The following DTNB variants were observed in gnomAD, a reference collection of about 807,000 sequenced individuals.
The protein encoded by DTNB is DTN-B.
A neutral mutation model predicts 90.7 loss-of-function variants in DTNB; 63 were observed. The ratio of observed to expected loss-of-function variants is 0.69; its 90% CI spans 0.57 to 0.86. The LOEUF (loss-of-function observed/expected upper bound fraction) is 0.86. DTNB is among the 40% of genes least tolerant of loss of function. The probability of loss-of-function intolerance (pLI) is 0.00; values close to 1 mark genes in which losing one functional copy is unlikely to be tolerated. For missense variants in DTNB, 744 were observed against 807.1 expected (o/e 0.92, Z 0.95); for synonymous variants, 277 against 286.7 (o/e 0.97, Z 0.34).
chr2:25,533,351 T>C (rs1304902423), intron 8 of DTNB, among the ~76,000 whole-genome samples: 2 of 152,164 alleles, frequency 1.3e-5, no homozygotes, highest in Non-Finnish European at 2.9e-5. Flanking sequence ...AAAAACATTC[T>C]GGGAAAAGTC....
chr2:25,630,546 A>G (rs2075428676), intron 3 of DTNB, among the ~76,000 whole-genome samples: 1 of 152,208 alleles, frequency 6.6e-6, no homozygotes, highest in South Asian at 2.1e-4. Context: ...GACCAAAAAA[A>G]GGGATGAAGT....
chr2:25,597,638 C>T (rs954817807), intron 5 of DTNB, among the ~76,000 whole-genome samples: 1 of 152,098 alleles, frequency 6.6e-6, no homozygotes, highest in South Asian at 2.1e-4. Context: ...TGCTAGTTTA[C>T]AGTTGATGGA....
intron 6 of DTNB, among the ~76,000 whole-genome samples, chr2:25,581,047 AGTCAACT>A (rs763071600): frequency 6.6e-6 from 1 of 152,244 alleles, no homozygotes; most frequent in Non-Finnish European, 1.5e-5. Context: ...ATTTTATTTT[AGTCAACT>A]GTATAAGGTA....
intron 8 of DTNB, among the ~76,000 whole-genome samples, chr2:25,536,230 G>A (rs558980949): frequency 1.5e-4 from 23 of 151,602 alleles, no homozygotes; most frequent in South Asian, 1.0e-3. Context: ...CGGGGCGGCC[G>A]GGCAGAGGGG....
At chr2:25,449,206 T>C (rs1195105179) in intron 12 of DTNB, among the ~76,000 whole-genome samples, 1 of 152,226 alleles carries the variant, frequency 6.6e-6, no homozygotes, top group Non-Finnish European at 1.5e-5. Context: ...ACAATTCTAT[T>C]GTATGAATAT....
chr2:25,552,282 T>A (rs2056425617), intron 8 of DTNB, among the ~76,000 whole-genome samples: 1 of 152,252 alleles, frequency 6.6e-6, no homozygotes, highest in African/African-American at 2.4e-5. Context: ...TTGTTTTCAG[T>A]GAGAGTGAAA....
At chr2:25,419,155 A>G in intron 16 of DTNB, 1 of 293,894 alleles carries the variant, frequency 3.4e-6, no homozygotes. Context: ...TCATGACATG[A>G]GGTCACCCCA....
chr2:25,590,760 G>A lies in DTNB; in HGVS notation c.603+5326C>T, dbSNP rs114486823. On this transcript the variant is annotated intron_variant, in intron 6 of 20. Transcript: ENST00000406818. ...GTGGCCATGGGTAGGCTTGGAAAAA[G>A]CACCACAAGTTCCCACTCCAGTCCA... Among the ~76,000 whole-genome samples, 829 of 152,292 alleles carry A rather than the reference G, an allele frequency of 5.4e-3. 12 individuals carry two copies. Among genetic ancestry groups the A allele is most frequent in the African/African-American group, 0.018 (748 of 41,570 alleles).
intron 5 of DTNB, among the ~76,000 whole-genome samples, chr2:25,601,427 G>A (rs972059435): frequency 5.3e-5 from 8 of 152,152 alleles, no homozygotes; most frequent in Admixed American, 4.6e-4. Context: ...ATGTACATGT[G>A]TATGCAATTT....
chr2:25,631,289 C>A (rs2075688834), intron 3 of DTNB, among the ~76,000 whole-genome samples: 1 of 152,044 alleles, frequency 6.6e-6, no homozygotes, highest in African/African-American at 2.4e-5. Context: ...AGTTTTAATT[C>A]ATAAGAAAGA....
At chr2:25,386,051 C>T (rs942105788) in intron 18 of DTNB, 33 of 985,418 alleles carry the variant, frequency 3.3e-5, no homozygotes, top group African/African-American at 2.8e-4. Context: ...TGAAGGCTGT[C>T]GCCTCTTCTG....
rs563697408 is a variant in DTNB at position 25,509,670 on chromosome 2, T to C, written c.1001+21803A>G. On this transcript the variant is annotated intron_variant, in intron 9 of 20. Transcript: ENST00000406818. ...CTTTGTAAATAATCTTCTATTTGTT[T>C]TTAGTATCTTTTCTTTGTCTCTGGG... Among the ~76,000 whole-genome samples, 228 of 152,136 alleles carry C rather than the reference T, an allele frequency of 1.5e-3. 5 individuals carry two copies. Among genetic ancestry groups the C allele is most frequent in the South Asian group, 1.5e-3 (7 of 4,808 alleles).
intron 11 of DTNB, 92 bp downstream of exon 11, chr2:25,455,313 C>T: frequency 1.7e-6 from 2 of 1,189,238 alleles, no homozygotes; most frequent in South Asian, 3.0e-5. Context: ...ACCTGACATG[C>T]AGTTTTTTTT....
chr2:25,653,924 G>A (rs748339702), intron 1 of DTNB, among the ~76,000 whole-genome samples: 16 of 152,048 alleles, frequency 1.1e-4, no homozygotes, highest in Non-Finnish European at 1.5e-4. Flanking sequence ...TTTTACTCCC[G>A]CTCTTGATAA....
At chr2:25,621,943 T>C (rs2148658978) in intron 4 of DTNB, among the ~76,000 whole-genome samples, 1 of 152,256 alleles carries the variant, frequency 6.6e-6, no homozygotes, top group East Asian at 1.9e-4. Flanking sequence ...GGCCTTTAAA[T>C]GATGTGTTCA....
chr2:25,421,463 C>T (rs989515522), intron 15 of DTNB, among the ~76,000 whole-genome samples: 12 of 152,248 alleles, frequency 7.9e-5, no homozygotes, highest in Admixed American at 2.6e-4. Context: ...TGCTTTTGCA[C>T]CTGCTTTGCA....
chr2:25,513,508 G>A (rs1447864310), intron 9 of DTNB, among the ~76,000 whole-genome samples: 2 of 151,968 alleles, frequency 1.3e-5, no homozygotes, highest in African/African-American at 4.8e-5. Flanking sequence ...GATCACTTGG[G>A]GTCGGCAGTT....
intron 8 of DTNB, among the ~76,000 whole-genome samples, chr2:25,535,229 G>A (rs1326612797): frequency 7.5e-5 from 11 of 146,624 alleles, no homozygotes; most frequent in South Asian, 4.3e-4. Context: ...GACTATGGGT[G>A]GCCAGGCAGA....
At chr2:25,435,702 T>C (rs1224436930) in intron 12 of DTNB, among the ~76,000 whole-genome samples, 1 of 152,222 alleles carries the variant, frequency 6.6e-6, no homozygotes, top group African/African-American at 2.4e-5. Flanking sequence ...GCTTTGAGCA[T>C]GTATGTTGAG....
Sources: allele counts gnomAD v4.1 joint callset (sites outside exome capture counted in the v4.1 genomes callset), GRCh38; gene constraint gnomAD v4.1.1; transcripts MANE v1.5; gene names NCBI Gene and HGNC (gene_info 2026-07-23, HGNC 2026-07-21).